SETD2: variants seen among roughly 807,000 people sequenced by gnomAD.
The protein encoded by SETD2 is histone-lysine N-methyltransferase SETD2.
SETD2 carries 31 observed loss-of-function variants against 242.1 expected under a neutral mutation model. The ratio of observed to expected loss-of-function variants is 0.13; its 90% CI spans 0.10 to 0.17. The LOEUF is 0.17. Ranked by LOEUF, SETD2 falls within the 10% of genes least tolerant of loss-of-function variation. SETD2 has a pLI of 1.00. For synonymous variants in SETD2, 1,006 were observed against 1,066.5 expected, an observed-to-expected ratio of 0.94 and a Z score of 1.11; for missense variants, 2,481 against 3,046.3, an observed-to-expected ratio of 0.81 and a Z score of 4.37.
chr3:47,045,779 ATT>A (rs199527736), intron 16 of SETD2, among the ~76,000 whole-genome samples: 26 of 137,478 alleles, frequency 1.9e-4, no homozygotes, highest in Admixed American at 3.0e-4. Flanking sequence ...TCCTAGGAGC[ATT>A]TTTTTTTTTT....
chr3:47,155,114 T>C (rs946800266), intron 1 of SETD2, among the ~76,000 whole-genome samples: 2 of 152,028 alleles, frequency 1.3e-5, no homozygotes, highest in African/African-American at 4.8e-5. Context: ...TCCTCAGAGA[T>C]TGAAAAAGAC....
At chr3:47,024,289 G>A (rs1300307381) in intron 18 of SETD2, among the ~76,000 whole-genome samples, 1 of 151,964 alleles carries the variant, frequency 6.6e-6, no homozygotes, top group South Asian at 2.1e-4. Context: ...TGGCTAACGA[G>A]GTGAAACACT....
At chr3:47,041,443 T>C (rs143512897) in intron 17 of SETD2, 1 of 404,398 alleles carries the variant, frequency 2.5e-6, no homozygotes, top group African/African-American at 2.1e-5. Context: ...AAGCCAGGAG[T>C]TCGTGCAGAT....
chr3:47,137,151 T>C (rs2043606504), intron 1 of SETD2, among the ~76,000 whole-genome samples: 1 of 152,164 alleles, frequency 6.6e-6, no homozygotes, highest in Admixed American at 6.5e-5. Context: ...TTCTATATTA[T>C]AGTACCTTAT....
At chr3:47,037,056 A>ATTT (rs2039033424) in intron 18 of SETD2, among the ~76,000 whole-genome samples, 1 of 44,472 alleles carries the variant, frequency 2.2e-5, no homozygotes, top group South Asian at 7.0e-4. Flanking sequence ...AAAAAAGGCC[A>ATTT]TTCTTTTTTT....
At chr3:47,060,876 C>T (rs1030906173) in intron 14 of SETD2, among the ~76,000 whole-genome samples, 2 of 152,036 alleles carry the variant, frequency 1.3e-5, no homozygotes, top group Non-Finnish European at 2.9e-5. Context: ...ATATAAAGGA[C>T]ACATAAAACT....
chr3:47,130,204 T>C (rs2043445725), intron 1 of SETD2, among the ~76,000 whole-genome samples: 1 of 152,158 alleles, frequency 6.6e-6, no homozygotes, highest in Non-Finnish European at 1.5e-5. Context: ...CTCAAAAATA[T>C]TAAAATAACT....
intron 5 of SETD2, among the ~76,000 whole-genome samples, chr3:47,111,079 TAAAAAAAAAAAAAAAAAAAA>T (rs10672755): frequency 1.3e-5 from 1 of 78,816 alleles, no homozygotes; most frequent in Non-Finnish European, 2.3e-5. Context: ...GTGGTTCCTT[TAAAAAAAAAAAAAAAAAAAA>T]AAAAAAAAAA....
chr3:47,047,602 G>C (rs915717358), intron 15 of SETD2, among the ~76,000 whole-genome samples: 2 of 152,162 alleles, frequency 1.3e-5, no homozygotes, highest in African/African-American at 2.4e-5. Context: ...CAAGTAGTCT[G>C]AATAGGCAAT....
At chr3:47,068,338 T>C (rs771792476) in intron 12 of SETD2, among the ~76,000 whole-genome samples, 1 of 152,160 alleles carries the variant, frequency 6.6e-6, no homozygotes, top group Non-Finnish European at 1.5e-5. Flanking sequence ...AGGATCAATA[T>C]GGACTGCACA....
chr3:47,055,647 C>T (rs941187056), intron 15 of SETD2, among the ~76,000 whole-genome samples: 4 of 151,372 alleles, frequency 2.6e-5, no homozygotes, highest in African/African-American at 4.9e-5. Context: ...GAGCTATGAT[C>T]GCATCACTGT....
At chr3:47,018,893 G>T (rs2038095881) in intron 19 of SETD2, among the ~76,000 whole-genome samples, 1 of 152,220 alleles carries the variant, frequency 6.6e-6, no homozygotes, top group South Asian at 2.1e-4. Flanking sequence ...ATTGATATAA[G>T]TTAGATCCCC....
chr3:47,122,110 T>C lies in SETD2; in HGVS notation c.2526A>G (p.Thr842=), dbSNP rs2106669392. ...CTTCACATGCAAATTTTGAGTGATC[T>C]GTCAAATTTCTACTATCACATATAA... ...KPVICDSRNL[T]DHSKFACEEY... Residue 842 remains threonine, a synonymous_variant, in exon 3 of 21, where the codon ACA becomes ACG. Transcript: ENST00000409792. The C allele has an allele frequency of 6.2e-7, 1 of 1,613,964 alleles. No individual in the cohort carries two copies. Among genetic ancestry groups the C allele is most frequent in the Non-Finnish European group, 8.5e-7 (1 of 1,179,972 alleles).
At chr3:47,070,439 C>CTA (rs1387068333) in intron 12 of SETD2, among the ~76,000 whole-genome samples, 1 of 152,192 alleles carries the variant, frequency 6.6e-6, no homozygotes, top group Non-Finnish European at 1.5e-5. Flanking sequence ...TACCTACTGT[C>CTA]TCCTCCTTAT....
chr3:47,137,427 G>A lies in SETD2; in HGVS notation c.72-10764C>T, dbSNP rs138515759. ...AGGATGGTCTCGATCTCTTGACCTTGTGATCCACCCACCTCAGCCACCCAA... is the reference window on the plus strand; with the variant it reads ...AGGATGGTCTCGATCTCTTGACCTTATGATCCACCCACCTCAGCCACCCAA... On this transcript the variant is annotated intron_variant, in intron 1 of 20. Coordinates refer to ENST00000409792, the MANE Select transcript of SETD2 (RefSeq NM_014159.7). Among the ~76,000 whole-genome samples the A allele has an allele frequency of 1.8e-4, 28 of 152,036 alleles. 1 individual carries two copies. The East Asian group carries it at 5.2e-3, about 28-fold the overall frequency.
chr3:47,092,001 G>A (rs952178477), intron 9 of SETD2, among the ~76,000 whole-genome samples: 1 of 151,954 alleles, frequency 6.6e-6, no homozygotes, highest in Non-Finnish European at 1.5e-5. Context: ...TGTTATGACT[G>A]TTTAAAAACT....
chr3:47,023,130 G>A (rs913241339), intron 18 of SETD2, among the ~76,000 whole-genome samples: 1 of 152,200 alleles, frequency 6.6e-6, no homozygotes, highest in Non-Finnish European at 1.5e-5. Flanking sequence ...GCTGGGCACG[G>A]TGGCTCATGC....
intron 1 of SETD2, among the ~76,000 whole-genome samples, chr3:47,143,812 G>C (rs2043790814): frequency 6.6e-6 from 1 of 152,084 alleles, no homozygotes; most frequent in Non-Finnish European, 1.5e-5. Flanking sequence ...CCGGGTTCAT[G>C]CCATTCTCCT....
At chr3:47,113,810 G>A (rs1341282343) in intron 5 of SETD2, 66 bp downstream of exon 5, 2 of 1,529,968 alleles carry the variant, frequency 1.3e-6, no homozygotes, top group Non-Finnish European at 1.8e-6. Context: ...CTGCACTCCA[G>A]TCTGGGTGAA....
Sources: allele counts gnomAD v4.1 joint callset (sites outside exome capture counted in the v4.1 genomes callset), GRCh38; gene constraint gnomAD v4.1.1; transcripts MANE v1.5; gene names NCBI Gene and HGNC (gene_info 2026-07-23, HGNC 2026-07-21).